The following JADE3 variants were observed in gnomAD, a reference collection of about 807,000 sequenced individuals.
The protein encoded by JADE3 is jade family PHD finger 3, also known as protein Jade-3.
Under a neutral mutation model 50.1 loss-of-function variants are expected in JADE3, and 2 were observed. The observed-to-expected ratio is 0.04, with a 90% CI of 0.02 to 0.13. The LOEUF (loss-of-function observed/expected upper bound fraction) is 0.13. Among genes scored for constraint, JADE3 ranks in the 10% least tolerant of loss-of-function variants. The pLI is 1.00. For missense variants in JADE3, 475 were observed against 634.4 expected, an observed-to-expected ratio of 0.75 and a Z score of 2.70; for synonymous variants, 218 against 232.9, an observed-to-expected ratio of 0.94 and a Z score of 0.58.
chrX:46,964,463 A>G (rs1277808837), intron 1 of JADE3, among the ~76,000 whole-genome samples: 1 of 111,883 alleles, frequency 8.9e-6, no homozygotes, highest in Non-Finnish European at 1.9e-5. Context: ...TTAGATAGGC[A>G]CTCTGGAGGT....
At chrX:46,954,745 A>G (rs943321581) in intron 1 of JADE3, among the ~76,000 whole-genome samples, 2 of 110,679 alleles carry the variant, frequency 1.8e-5, no homozygotes, top group Admixed American at 9.6e-5. Flanking sequence ...AATAGAGACA[A>G]AGTTTCGCCA....
chrX:47,049,953 A>T (rs1436415716), intron 8 of JADE3, among the ~76,000 whole-genome samples: 1 of 102,784 alleles, frequency 9.7e-6, no homozygotes, highest in East Asian at 3.1e-4. Context: ...TAATGGTAAT[A>T]TTATTGTACG....
chrX:46,963,962 CTT>C (rs200464677), intron 1 of JADE3, among the ~76,000 whole-genome samples: 1 of 111,893 alleles, frequency 8.9e-6, no homozygotes, highest in East Asian at 2.8e-4. Context: ...ACAAATTACT[CTT>C]TTTTAAGGCA....
intron 1 of JADE3, among the ~76,000 whole-genome samples, chrX:46,953,696 C>T (rs781992660): frequency 1.8e-5 from 2 of 112,136 alleles, no homozygotes; most frequent in East Asian, 5.6e-4. Context: ...ATTAGCTGCA[C>T]TATTGGCTGA....
chrX:46,961,183 A>AG (rs1489609671), intron 1 of JADE3, among the ~76,000 whole-genome samples: 1 of 112,273 alleles, frequency 8.9e-6, no homozygotes, highest in Non-Finnish European at 1.9e-5. Flanking sequence ...TCCAAATTCC[A>AG]GCCTAAGTTC....
At chrX:47,056,296 A>C (rs1929632202) in intron 10 of JADE3, 97 bp downstream of exon 10, 3 of 486,869 alleles carry the variant, frequency 6.2e-6, no homozygotes, top group Non-Finnish European at 1.1e-5. Context: ...CCACTTAAAA[A>C]TCTTTTAAAA....
chrX:46,952,769 G>A (rs1178522563), intron 1 of JADE3, among the ~76,000 whole-genome samples: 3 of 111,852 alleles, frequency 2.7e-5, no homozygotes, highest in African/African-American at 6.5e-5. Flanking sequence ...AGGCCGAGGC[G>A]TATGGATCAC....
At chrX:47,015,879 C>G (rs1285590928) in intron 4 of JADE3, among the ~76,000 whole-genome samples, 1 of 108,761 alleles carries the variant, frequency 9.2e-6, no homozygotes, top group Non-Finnish European at 1.9e-5. Context: ...GCCACTGCAC[C>G]CAACCAGTCT....
intron 10 of JADE3, among the ~76,000 whole-genome samples, chrX:47,057,039 G>T (rs1262454631): frequency 1.8e-5 from 2 of 111,917 alleles, no homozygotes; most frequent in African/African-American, 6.5e-5. Flanking sequence ...GTAGCAGGAG[G>T]CAGCAAGACT....
intron 4 of JADE3, among the ~76,000 whole-genome samples, chrX:47,010,009 G>A (rs1602407103): frequency 9.1e-6 from 1 of 110,196 alleles, no homozygotes; most frequent in East Asian, 2.8e-4. Context: ...TTTCTCAAGT[G>A]CTTGATTGAA....
intron 1 of JADE3, among the ~76,000 whole-genome samples, chrX:46,925,051 G>A (rs1926325913): frequency 8.9e-6 from 1 of 111,923 alleles, no homozygotes; most frequent in African/African-American, 3.2e-5. Context: ...GAAACTCCAT[G>A]GAGGGAAGGA....
intron 4 of JADE3, among the ~76,000 whole-genome samples, chrX:47,011,074 C>T (rs1556361520): frequency 1.8e-5 from 2 of 111,508 alleles, no homozygotes; most frequent in African/African-American, 6.5e-5. Context: ...CCTCTCATAA[C>T]CTTTATTACC....
At chrX:46,952,224 G>A (rs1332078302) in intron 1 of JADE3, among the ~76,000 whole-genome samples, 1 of 112,075 alleles carries the variant, frequency 8.9e-6, no homozygotes, top group African/African-American at 3.3e-5. Context: ...GGATGTTTTG[G>A]ATATTATGTT....
In JADE3 at chrX:46,998,286, A is replaced by G. The variant is rs371327330; in HGVS notation, c.284+9A>G. Reference sequence around the variant, plus strand: ...CCACAGCCTTCTCTCAGGTATTTGCATGCTTGCACCTTTGACTTAGGGAAT... The same window carrying G: ...CCACAGCCTTCTCTCAGGTATTTGCGTGCTTGCACCTTTGACTTAGGGAAT... On this transcript the variant is annotated intron_variant, in intron 4 of 10. Transcript: ENST00000614628. 50 of 1,196,337 alleles carry G rather than the reference A, an allele frequency of 4.2e-5. 1 individual carries two copies. The African/African-American group carries it at 5.7e-4, about 14-fold the overall frequency.
intron 3 of JADE3, among the ~76,000 whole-genome samples, chrX:46,987,506 C>T (rs1927888511): frequency 8.9e-6 from 1 of 112,177 alleles, no homozygotes; most frequent in Non-Finnish European, 1.9e-5. Context: ...TTGGGTGTGT[C>T]CACCAGAGAG....
At position 47,027,871 on chromosome X, in the gene JADE3, ATTGT is replaced by A; in HGVS notation, c.476-16_476-13del. The A allele has an allele frequency of 8.4e-7, 1 of 1,184,030 alleles. No homozygotes were observed. Among genetic ancestry groups the A allele is most frequent in the Non-Finnish European group, 1.1e-6 (1 of 870,931 alleles). On this transcript the variant is annotated splice_polypyrimidine_tract_variant and intron_variant, in intron 5 of 10. Coordinates refer to ENST00000614628, the MANE Select transcript of JADE3 (RefSeq NM_014735.5). ...TGACAGCTGACTGATGGGTTGATTGATTGTTTGTATTTCTGTGCAGGTTGTGGGC... is the reference window on the plus strand; with the variant it reads ...TGACAGCTGACTGATGGGTTGATTGATTGTATTTCTGTGCAGGTTGTGGGC...
intron 3 of JADE3, among the ~76,000 whole-genome samples, chrX:46,995,997 G>C (rs1466678733): frequency 8.9e-6 from 1 of 112,563 alleles, no homozygotes; most frequent in African/African-American, 3.2e-5. Flanking sequence ...GTATGAATTG[G>C]TTGGTGGTTT....
At chrX:46,991,708 A>T (rs782137365) in intron 3 of JADE3, among the ~76,000 whole-genome samples, 1 of 111,321 alleles carries the variant, frequency 9.0e-6, no homozygotes, top group Non-Finnish European at 1.9e-5. Flanking sequence ...GAAATTTGTT[A>T]TTGCTGTAAC....
intron 3 of JADE3, among the ~76,000 whole-genome samples, chrX:46,995,248 C>T (rs1249411201): frequency 9.0e-6 from 1 of 110,821 alleles, no homozygotes; most frequent in Admixed American, 9.6e-5. Context: ...CCAGGATGGT[C>T]TCGATCTCCT....
Sources: gnomAD v4.1 joint callset for allele counts (sites outside exome capture counted in the v4.1 genomes callset) on GRCh38, gnomAD v4.1.1 for gene constraint, MANE v1.5 for transcripts, NCBI Gene and HGNC (gene_info 2026-07-23, HGNC 2026-07-21) for gene names.